Variants in TDRD12 observed in about 807,000 individuals in gnomAD.
TDRD12 encodes the protein putative ATP-dependent RNA helicase TDRD12.
In TDRD12, 158 loss-of-function variants were observed where a neutral mutation model predicts 133.5. That is an observed-to-expected ratio of 1.18 (90% CI 1.04 to 1.35). The LOEUF (loss-of-function observed/expected upper bound fraction) is 1.35, where lower values mean the gene tolerates loss of function less well. Ranked by LOEUF, TDRD12 falls within the 40% of genes most tolerant of loss-of-function variation. The probability of loss-of-function intolerance (pLI) is 0.00; values close to 1 mark genes in which losing one functional copy is unlikely to be tolerated. For synonymous variants in TDRD12, 460 were observed against 477.9 expected, an observed-to-expected ratio of 0.96 and a Z score of 0.49; for missense variants, 1,443 against 1,321.3, an observed-to-expected ratio of 1.09 and a Z score of -1.43.
downstream of TDRD12, among the ~76,000 whole-genome samples, chr19:32,821,576 C>T (rs1427457226): frequency 6.6e-6 from 1 of 152,234 alleles, no homozygotes; most frequent in Non-Finnish European, 1.5e-5. Context: ...TGGAGTCTCA[C>T]TGTGTGGCCC....
chr19:32,733,944 T>G (rs550906007), intron 2 of TDRD12, among the ~76,000 whole-genome samples: 1 of 151,170 alleles, frequency 6.6e-6, no homozygotes, highest in East Asian at 2.0e-4. Flanking sequence ...CAGGCTAGAG[T>G]ACAGTGGCGC....
chr19:32,739,421 T>C (rs1969327892), intron 3 of TDRD12, among the ~76,000 whole-genome samples: 1 of 138,150 alleles, frequency 7.2e-6, no homozygotes, highest in Non-Finnish European at 1.6e-5. Context: ...TCTCTCTCTA[T>C]CACCTGGCTA....
intron 11 of TDRD12, 38 bp from the exon 12 acceptor site, chr19:32,790,493 A>G (rs1270546908): frequency 1.0e-5 from 16 of 1,535,150 alleles, no homozygotes; most frequent in Admixed American, 4.0e-5. Context: ...GGAAACAAAC[A>G]CCTTTTTCTT....
At chr19:32,769,485 G>A (rs1970385735) in intron 8 of TDRD12, among the ~76,000 whole-genome samples, 1 of 152,196 alleles carries the variant, frequency 6.6e-6, no homozygotes, top group Non-Finnish European at 1.5e-5. Context: ...CTAGGAGACT[G>A]CCTGTTTGCC....
At chr19:32,766,548 AT>A (rs1454871323) in intron 8 of TDRD12, among the ~76,000 whole-genome samples, 1 of 149,554 alleles carries the variant, frequency 6.7e-6, no homozygotes, top group Non-Finnish European at 1.5e-5. Flanking sequence ...CCTTTACCCT[AT>A]TTTTTTGCTT....
chr19:32,791,154 G>T, intron 13 of TDRD12, 86 bp downstream of exon 13: 2 of 1,340,408 alleles, frequency 1.5e-6, no homozygotes, highest in South Asian at 1.5e-5. Context: ...CTCTAAGGTT[G>T]CATTGTATAA....
downstream of TDRD12, among the ~76,000 whole-genome samples, chr19:32,823,275 G>A (rs1266496743): frequency 1.3e-5 from 2 of 152,192 alleles, no homozygotes; most frequent in South Asian, 2.1e-4. Context: ...CTCCTGTGAC[G>A]AAGGCAGCCT....
chr19:32,826,160 A>AGG, downstream of TDRD12: 1 of 1,535,782 alleles, frequency 6.5e-7, no homozygotes, highest in Non-Finnish European at 8.7e-7. Context: ...GCCTCTGAAA[A>AGG]GGTACGTCCA....
At chr19:32,770,252 C>T (rs1476266744) in intron 8 of TDRD12, among the ~76,000 whole-genome samples, 3 of 152,166 alleles carry the variant, frequency 2.0e-5, no homozygotes, top group Non-Finnish European at 4.4e-5. Context: ...AGTGATCCAC[C>T]TGCCTTGGGC....
intron 6 of TDRD12, among the ~76,000 whole-genome samples, chr19:32,752,790 C>CTTT (rs770183335): frequency 5.4e-5 from 7 of 130,118 alleles, no homozygotes; most frequent in Non-Finnish European, 8.1e-5. Flanking sequence ...CCACTTCTTC[C>CTTT]TTTTTTTTTT....
At chr19:32,723,661 G>T (rs1300827983) in intron 1 of TDRD12, among the ~76,000 whole-genome samples, 1 of 139,990 alleles carries the variant, frequency 7.1e-6, no homozygotes, top group Non-Finnish European at 1.5e-5. Flanking sequence ...TGCTTGCTGA[G>T]TCTACCAAAA....
intron 2 of TDRD12, among the ~76,000 whole-genome samples, chr19:32,736,214 T>A (rs1431659071): frequency 1.3e-5 from 2 of 152,156 alleles, no homozygotes; most frequent in Non-Finnish European, 2.9e-5. Flanking sequence ...TATTTTAAGC[T>A]TACTGTTGAG....
At chr19:32,821,498 AT>A (rs1967395432), downstream of TDRD12, among the ~76,000 whole-genome samples, 1 of 151,820 alleles carries the variant, frequency 6.6e-6, no homozygotes, top group Non-Finnish European at 1.5e-5. Flanking sequence ...GACCATTCTG[AT>A]TTCTGACACC....
chr19:32,734,457 G>A (rs74772203), intron 2 of TDRD12, among the ~76,000 whole-genome samples: 2,365 of 150,524 alleles, frequency 0.016, 60 homozygotes, highest in African/African-American at 0.052. Flanking sequence ...TGCAACCTCC[G>A]CCTTTTGGTA....
At chr19:32,747,398 T>G (rs1376115924) in intron 4 of TDRD12, among the ~76,000 whole-genome samples, 1 of 152,190 alleles carries the variant, frequency 6.6e-6, no homozygotes, top group Admixed American at 6.5e-5. Context: ...TAACCAACAT[T>G]TTTGAGTAAT....
chr19:32,730,812 T>G (rs1362151779), intron 1 of TDRD12, among the ~76,000 whole-genome samples: 1 of 152,116 alleles, frequency 6.6e-6, no homozygotes, highest in East Asian at 1.9e-4. Flanking sequence ...AGTCAGGAGT[T>G]CAAGACCAGC....
At chr19:32,803,240 C>G in intron 21 of TDRD12, 98 bp downstream of exon 21, 1 of 933,620 alleles carries the variant, frequency 1.1e-6, no homozygotes, top group South Asian at 1.8e-5. Context: ...CTAGAAGCCA[C>G]CACCCACTCT....
chr19:32,813,190 A>C (rs1354858162), intron 24 of TDRD12, among the ~76,000 whole-genome samples: 1 of 152,162 alleles, frequency 6.6e-6, no homozygotes, highest in Non-Finnish European at 1.5e-5. Flanking sequence ...AAAAAAAGAA[A>C]GAAAACAACA....
intron 22 of TDRD12, among the ~76,000 whole-genome samples, chr19:32,809,597 G>GAGCC (rs1239749624): frequency 1.3e-5 from 2 of 152,184 alleles, no homozygotes; most frequent in Admixed American, 6.5e-5. Flanking sequence ...AACCTGTGAA[G>GAGCC]GGCTGTCTTC....
Sources: gnomAD v4.1 joint callset for allele counts (sites outside exome capture counted in the v4.1 genomes callset) on GRCh38, gnomAD v4.1.1 for gene constraint, MANE v1.5 for transcripts, NCBI Gene and HGNC (gene_info 2026-07-23, HGNC 2026-07-21) for gene names.